Variants in GPC5 observed in about 807,000 individuals in gnomAD.
GPC5 encodes glypican 5.
A neutral mutation model predicts 53.9 loss-of-function variants in GPC5; 47 were observed. The ratio of observed to expected loss-of-function variants is 0.87; its 90% CI spans 0.69 to 1.11. The LOEUF is 1.11. Ranked by LOEUF, GPC5 falls within the 50% of genes most tolerant of loss-of-function variation. The pLI is 0.00. For synonymous variants in GPC5, 286 were observed against 263.3 expected (o/e 1.09, Z -0.84); for missense variants, 748 against 713.1 (o/e 1.05, Z -0.56).
chr13:91,536,997 A>T (rs778299626), intron 2 of GPC5, among the ~76,000 whole-genome samples: 1 of 152,214 alleles, frequency 6.6e-6, no homozygotes, highest in Non-Finnish European at 1.5e-5. Context: ...TATTTTGCGA[A>T]GAATAAAAGT....
chr13:92,634,829 G>A (rs79647109), intron 7 of GPC5, among the ~76,000 whole-genome samples: 2,722 of 151,630 alleles, frequency 0.018, 82 homozygotes, highest in African/African-American at 0.061. Flanking sequence ...TCTTTTCTCC[G>A]TTGGTTCTAA....
intron 5 of GPC5, among the ~76,000 whole-genome samples, chr13:91,904,994 T>G (rs1035799043): frequency 6.6e-6 from 1 of 151,980 alleles, no homozygotes; most frequent in African/African-American, 2.4e-5. Context: ...GATTTTAGAG[T>G]GAAGCAGCAA....
intron 6 of GPC5, among the ~76,000 whole-genome samples, chr13:91,942,498 C>A (rs76142669): frequency 3.0e-4 from 45 of 152,128 alleles, no homozygotes; most frequent in African/African-American, 1.1e-3. Context: ...CTGACTGAAT[C>A]AATCAAAAAG....
intron 2 of GPC5, among the ~76,000 whole-genome samples, chr13:91,515,175 C>T (rs760927098): frequency 1.2e-4 from 18 of 152,100 alleles, no homozygotes; most frequent in South Asian, 2.1e-4. Flanking sequence ...TTCTTAGAGT[C>T]GCACTATAGT....
intron 6 of GPC5, among the ~76,000 whole-genome samples, chr13:91,952,992 C>G (rs1302965366): frequency 6.6e-6 from 1 of 151,956 alleles, no homozygotes; most frequent in Non-Finnish European, 1.5e-5. Context: ...TGGCTTAATT[C>G]AACAAAAAGA....
At position 92,221,356 on chromosome 13, in the gene GPC5, C is replaced by T. The variant is rs116627704; in HGVS notation, c.1561+76367C>T. ...TCATATACAGTGTATGGTGTTGATG[C>T]TAAGAGGCATTACTATAAAGCTGAA... is the stretch of plus-strand genomic sequence containing the variant. On this transcript the variant is annotated intron_variant, in intron 7 of 7. Transcript: ENST00000377067. Among the ~76,000 whole-genome samples, 1,457 of 152,212 alleles carry T rather than the reference C, an allele frequency of 9.6e-3. 24 individuals are homozygous for T. The highest frequency in any genetic ancestry group is 0.033 in the African/African-American group (1,367 of 41,532).
intron 3 of GPC5, among the ~76,000 whole-genome samples, chr13:91,726,492 T>G (rs1245362547): frequency 6.6e-6 from 1 of 152,168 alleles, no homozygotes; most frequent in African/African-American, 2.4e-5. Flanking sequence ...CCCTCCAAAA[T>G]CTTTTCTCTG....
intron 7 of GPC5, among the ~76,000 whole-genome samples, chr13:92,606,683 C>T (rs1460036791): frequency 3.9e-5 from 6 of 152,164 alleles, no homozygotes; most frequent in Non-Finnish European, 7.3e-5. Flanking sequence ...CTGGTGTCCA[C>T]ATCCTACATA....
chr13:91,748,733 G>T (rs2037105493), intron 4 of GPC5, among the ~76,000 whole-genome samples: 1 of 152,198 alleles, frequency 6.6e-6, no homozygotes, highest in African/African-American at 2.4e-5. Context: ...TGAACCAGTT[G>T]CTATACCAGT....
At chr13:92,230,306 A>G (rs549465611) in intron 7 of GPC5, among the ~76,000 whole-genome samples, 1 of 152,196 alleles carries the variant, frequency 6.6e-6, no homozygotes, top group South Asian at 2.1e-4. Flanking sequence ...GTTGTGCTAG[A>G]ACTACGATGC....
chr13:91,992,710 C>G (rs763798884), intron 6 of GPC5, among the ~76,000 whole-genome samples: 13 of 152,116 alleles, frequency 8.5e-5, no homozygotes, highest in Admixed American at 1.3e-4. Context: ...CCCACCTCAT[C>G]CTCCCAAAGT....
chr13:91,692,779 G>A (rs1434368060), intron 2 of GPC5, among the ~76,000 whole-genome samples: 2 of 152,142 alleles, frequency 1.3e-5, no homozygotes, highest in Non-Finnish European at 2.9e-5. Context: ...GAGTAACTGG[G>A]ATTACAGGCA....
At position 91,864,476 on chromosome 13, in the gene GPC5, T is replaced by C. The variant is rs555555757; in HGVS notation, c.1281-43461T>C. Among the ~76,000 whole-genome samples, 233 of 152,284 alleles carry C rather than the reference T, an allele frequency of 1.5e-3. 1 individual carries two copies. Among genetic ancestry groups the C allele is most frequent in the Non-Finnish European group, 2.3e-3 (159 of 68,012 alleles). ...TTAGATGCAATAGAACTTTGTGAAA[T>C]ATTACATGTAAATAGTATATATTGT... On this transcript the variant is annotated intron_variant, in intron 5 of 7. Transcript: ENST00000377067.
chr13:91,533,283 A>G (rs1886434750), intron 2 of GPC5, among the ~76,000 whole-genome samples: 3 of 152,182 alleles, frequency 2.0e-5, no homozygotes, highest in Admixed American at 6.5e-5. Context: ...GTTCTTTCCA[A>G]TTTATTTCCA....
chr13:91,507,970 T>C (rs1325676382), intron 2 of GPC5, among the ~76,000 whole-genome samples: 6 of 152,172 alleles, frequency 3.9e-5, no homozygotes, highest in African/African-American at 1.2e-4. Context: ...ACAATGATAC[T>C]AAAATAATAT....
At chr13:91,564,041 T>G (rs2031414564) in intron 2 of GPC5, among the ~76,000 whole-genome samples, 2 of 152,292 alleles carry the variant, frequency 1.3e-5, no homozygotes, top group South Asian at 4.1e-4. Context: ...AGCTGTCTTA[T>G]TCTTGGCACC....
intron 2 of GPC5, among the ~76,000 whole-genome samples, chr13:91,506,191 T>C (rs1436937937): frequency 6.6e-6 from 1 of 152,150 alleles, no homozygotes; most frequent in East Asian, 1.9e-4. Flanking sequence ...CACTATATTC[T>C]ATTTGCTCTT....
At chr13:92,773,484 TAC>T (rs567053823) in intron 7 of GPC5, among the ~76,000 whole-genome samples, 153 of 152,212 alleles carry the variant, frequency 1.0e-3, no homozygotes, top group Non-Finnish European at 2.0e-3. Context: ...GGATTTCTTC[TAC>T]TGAGATTTTC....
chr13:91,940,355 C>T (rs779743922), intron 6 of GPC5, among the ~76,000 whole-genome samples: 17 of 152,048 alleles, frequency 1.1e-4, no homozygotes, highest in Admixed American at 3.9e-4. Flanking sequence ...TAGTATTCTA[C>T]GTTATATACA....
Sources: allele counts gnomAD v4.1 joint callset (sites outside exome capture counted in the v4.1 genomes callset), GRCh38; gene constraint gnomAD v4.1.1; transcripts MANE v1.5; gene names NCBI Gene and HGNC (gene_info 2026-07-23, HGNC 2026-07-21).